The following RAD51B variants were observed in gnomAD, a reference collection of about 807,000 sequenced individuals.
RAD51B encodes RAD51 paralog B, also known as DNA repair protein RAD51 homolog 2.
RAD51B carries 38 observed loss-of-function variants against 42.2 expected under a neutral mutation model. That is an observed-to-expected ratio of 0.90 (90% CI 0.70 to 1.18). RAD51B has a LOEUF of 1.18. Ranked by LOEUF, RAD51B falls within the 50% of genes most tolerant of loss-of-function variation. The probability of loss-of-function intolerance (pLI) is 0.00; values close to 1 mark genes in which losing one functional copy is unlikely to be tolerated. For missense variants in RAD51B, 373 were observed against 400.7 expected, an observed-to-expected ratio of 0.93 and a Z score of 0.59; for synonymous variants, 154 against 145.2, an observed-to-expected ratio of 1.06 and a Z score of -0.43.
At chr14:68,066,298 T>A (rs2076648839) in intron 7 of RAD51B, among the ~76,000 whole-genome samples, 1 of 151,442 alleles carries the variant, frequency 6.6e-6, no homozygotes, top group South Asian at 2.1e-4. Context: ...TGTTTGAGTG[T>A]AATGGGGGAT....
Position 68,437,719 on chromosome 14 carries a change from C to T in RAD51B, c.957+26192C>T, listed in dbSNP as rs75039299. Among the ~76,000 whole-genome samples, 1,258 of 152,068 alleles carry T rather than the reference C, an allele frequency of 8.3e-3. 16 individuals carry two copies. The highest frequency in any genetic ancestry group is 0.028 in the African/African-American group (1,175 of 41,448). ...GAGCCATAGTAGTAGAGGAGAATAC[C>T]CAGTGTTAATAGAGGGAAGCATACA... is the stretch of plus-strand genomic sequence containing the variant. On this transcript the variant is annotated intron_variant, in intron 9 of 10. Coordinates refer to ENST00000471583, the MANE Select transcript of RAD51B (RefSeq NM_133510.4).
At chr14:68,301,500 G>A (rs956638305) in intron 8 of RAD51B, among the ~76,000 whole-genome samples, 1 of 151,348 alleles carries the variant, frequency 6.6e-6, no homozygotes, top group Non-Finnish European at 1.5e-5. Context: ...AACAGCTCTT[G>A]CCCTTTGACT....
At chr14:68,571,840 G>A (rs1889722239) in intron 10 of RAD51B, among the ~76,000 whole-genome samples, 1 of 151,972 alleles carries the variant, frequency 6.6e-6, no homozygotes, top group South Asian at 2.1e-4. Context: ...GAATCTCCTT[G>A]GCTCAGGTCC....
chr14:67,905,034 G>C (rs757692628), intron 7 of RAD51B, among the ~76,000 whole-genome samples: 3 of 149,136 alleles, frequency 2.0e-5, no homozygotes, highest in Non-Finnish European at 4.4e-5. Flanking sequence ...TATGGTTTTT[G>C]TAGTTTTAAG....
intron 7 of RAD51B, among the ~76,000 whole-genome samples, chr14:68,187,702 A>G (rs1241007912): frequency 6.6e-6 from 1 of 152,236 alleles, no homozygotes; most frequent in African/African-American, 2.4e-5. Context: ...TTCAATGCGT[A>G]TATTAACATA....
intron 11 of RAD51B, among the ~76,000 whole-genome samples, chr14:68,679,609 C>A (rs537752541): frequency 6.6e-6 from 1 of 152,316 alleles, no homozygotes; most frequent in African/African-American, 2.4e-5. Flanking sequence ...CAGTATTAAT[C>A]CTACCCTTGA....
intron 7 of RAD51B, among the ~76,000 whole-genome samples, chr14:68,167,429 G>C (rs368301264): frequency 6.6e-6 from 1 of 152,056 alleles, no homozygotes; most frequent in African/African-American, 2.4e-5. Flanking sequence ...CCTATAGCAC[G>C]TATTTTGTGT....
intron 7 of RAD51B, among the ~76,000 whole-genome samples, chr14:68,126,126 A>G (rs2077754337): frequency 6.6e-6 from 1 of 152,192 alleles, no homozygotes; most frequent in Non-Finnish European, 1.5e-5. Flanking sequence ...GGGAGATTGA[A>G]TTATATACAT....
intron 8 of RAD51B, among the ~76,000 whole-genome samples, chr14:68,370,788 T>C (rs2083238261): frequency 6.6e-6 from 1 of 152,126 alleles, no homozygotes; most frequent in Non-Finnish European, 1.5e-5. Context: ...CTCATGCCTG[T>C]AATCCCAGCA....
chr14:68,116,650 A>G (rs1364677170), intron 7 of RAD51B, among the ~76,000 whole-genome samples: 2 of 152,156 alleles, frequency 1.3e-5, no homozygotes, highest in Non-Finnish European at 2.9e-5. Context: ...CTACATTTCT[A>G]TAGTAATTTC....
intron 4 of RAD51B, among the ~76,000 whole-genome samples, chr14:67,864,422 T>C (rs2042259952): frequency 6.6e-6 from 1 of 152,228 alleles, no homozygotes; most frequent in South Asian, 2.1e-4. Flanking sequence ...TTTATTTCTC[T>C]TTCTACACAC....
chr14:68,621,285 T>A (rs1403826686), intron 10 of RAD51B, among the ~76,000 whole-genome samples: 1 of 152,126 alleles, frequency 6.6e-6, no homozygotes, highest in East Asian at 1.9e-4. Flanking sequence ...GCCTGTGGGG[T>A]CATCCTCTTT....
At chr14:68,078,227 T>A (rs531254354) in intron 7 of RAD51B, among the ~76,000 whole-genome samples, 23 of 152,330 alleles carry the variant, frequency 1.5e-4, no homozygotes, top group African/African-American at 5.5e-4. Context: ...TTGTCCTGGC[T>A]GTTCTTGAAC....
At chr14:68,000,337 T>C (rs1439718327) in intron 7 of RAD51B, 1 of 152,170 alleles carries the variant, frequency 6.6e-6, no homozygotes, top group African/African-American at 2.4e-5. Flanking sequence ...TTTTCTTTCT[T>C]GCCCTGTAAA....
intron 7 of RAD51B, among the ~76,000 whole-genome samples, chr14:68,235,323 T>C (rs1595584826): frequency 6.6e-6 from 1 of 151,800 alleles, no homozygotes. Context: ...TAACTGTACT[T>C]GAAGCCAAGA....
At position 67,835,208 on chromosome 14, in the gene RAD51B, A is replaced by T. The variant is rs767882139; in HGVS notation, c.315+12A>T. On this transcript the variant is annotated intron_variant, in intron 4 of 10. Coordinates refer to ENST00000471583, the MANE Select transcript of RAD51B (RefSeq NM_133510.4). ...GATCCCTCACAGAGGTAAAGGAAAA[A>T]TTTTTCGTACCTTCTTCCATTGACC... 1.9e-6 allele frequency: 3 copies of T among 1,582,224 alleles called. No individual in the cohort carries two copies. Among genetic ancestry groups the T allele is most frequent in the Non-Finnish European group, 2.6e-6 (3 of 1,151,994 alleles).
At chr14:68,668,333 A>C (rs571942877) in intron 11 of RAD51B, among the ~76,000 whole-genome samples, 1 of 152,326 alleles carries the variant, frequency 6.6e-6, no homozygotes, top group South Asian at 2.1e-4. Flanking sequence ...GAGGACCTTC[A>C]TTAGGCTTCA....
At chr14:67,858,745 T>C (rs1247684695) in intron 4 of RAD51B, among the ~76,000 whole-genome samples, 1 of 152,140 alleles carries the variant, frequency 6.6e-6, no homozygotes, top group East Asian at 1.9e-4. Context: ...GGCTTGGAGG[T>C]GGGGTTTCAC....
chr14:67,998,097 T>C (rs924339533), intron 7 of RAD51B, among the ~76,000 whole-genome samples: 5 of 152,178 alleles, frequency 3.3e-5, no homozygotes, highest in Admixed American at 1.3e-4. Flanking sequence ...ACAGTATCAA[T>C]GTCACCTTGG....
Sources: allele counts gnomAD v4.1 joint callset (sites outside exome capture counted in the v4.1 genomes callset), GRCh38; gene constraint gnomAD v4.1.1; transcripts MANE v1.5; gene names NCBI Gene and HGNC (gene_info 2026-07-23, HGNC 2026-07-21).